The following RGS5 variants were observed in gnomAD, a reference collection of about 807,000 sequenced individuals.
RGS5 encodes regulator of G-protein signalling 5.
RGS5 carries 20 observed loss-of-function variants against 18.9 expected under a neutral mutation model. That is an observed-to-expected ratio of 1.06 (90% confidence interval 0.74 to 1.54). The LOEUF (loss-of-function observed/expected upper bound fraction) is 1.54. Ranked by LOEUF, RGS5 falls within the 40% of genes most tolerant of loss-of-function variation. RGS5 has a pLI of 0.00. For synonymous variants in RGS5, 57 were observed against 76.2 expected (o/e 0.75, Z 1.31); for missense variants, 201 against 211.8 (o/e 0.95, Z 0.32).
intron 1 of RGS5, among the ~76,000 whole-genome samples, chr1:163,312,367 A>G (rs1159893275): frequency 2.6e-5 from 4 of 152,204 alleles, no homozygotes; most frequent in Non-Finnish European, 5.9e-5. Flanking sequence ...GGACTAATAC[A>G]ATAATTATGT....
At chr1:163,315,162 A>G (rs1105212) in intron 1 of RGS5, among the ~76,000 whole-genome samples, 10,270 of 152,274 alleles carry the variant, frequency 0.067, 366 homozygotes, top group South Asian at 0.095. Context: ...AGACTACATT[A>G]AGATCAGTAT....
chr1:163,192,957 C>T (rs1557899261), intron 1 of RGS5, among the ~76,000 whole-genome samples: 1 of 152,166 alleles, frequency 6.6e-6, no homozygotes, highest in Non-Finnish European at 1.5e-5. Flanking sequence ...TTCTAAACTT[C>T]CTGAATCCCA....
Position 163,180,686 on chromosome 1 carries a change from G to GTTTTTTTTTTTTTTTTTTTTTTTT in RGS5, c.45-12342_45-12319dup, listed in dbSNP as rs1026995196. ...CCCTTTGTAATAAAGCCCTTACCCT[G>GTTTTTTTTTTTTTTTTTTTTTTTT]TTTTTTTTTTTTTTTTTTTTTTTTT... On this transcript the variant is annotated intron_variant, in intron 1 of 4. Transcript: ENST00000313961. 4.8e-4 allele frequency among the ~76,000 whole-genome samples: 30 copies of GTTTTTTTTTTTTTTTTTTTTTTTT among 61,982 alleles called. 5 individuals are homozygous for GTTTTTTTTTTTTTTTTTTTTTTTT. Among genetic ancestry groups the GTTTTTTTTTTTTTTTTTTTTTTTT allele is most frequent in the African/African-American group, 1.3e-3 (18 of 14,036 alleles). The allele number at this position is 61,982 out of a possible 152,430, so 40.7% of individuals were successfully genotyped here. A position where few individuals can be genotyped will look rare whatever the true frequency, so the allele number is the denominator to read the frequency against.
chr1:163,227,450 C>T (rs1186806346), intron 2 of RGS5, among the ~76,000 whole-genome samples: 5 of 152,082 alleles, frequency 3.3e-5, no homozygotes, highest in East Asian at 1.9e-4. Flanking sequence ...CTCATTATCA[C>T]GAGAACAGCA....
chr1:163,246,157 C>T (rs1647928435), intron 2 of RGS5, among the ~76,000 whole-genome samples: 1 of 151,264 alleles, frequency 6.6e-6, no homozygotes. Flanking sequence ...GGAGGCGGAG[C>T]TTGCAGTGAG....
At chr1:163,282,783 G>T (rs1649030780) in intron 2 of RGS5, among the ~76,000 whole-genome samples, 1 of 151,952 alleles carries the variant, frequency 6.6e-6, no homozygotes, top group Non-Finnish European at 1.5e-5. Context: ...AGATGACTGG[G>T]TACATATCCA....
At chr1:163,157,758 C>G (rs1657643744) in intron 3 of RGS5, among the ~76,000 whole-genome samples, 1 of 152,118 alleles carries the variant, frequency 6.6e-6, no homozygotes, top group Non-Finnish European at 1.5e-5. Context: ...AACAGGGTCT[C>G]TCTCTGTGGC....
intron 2 of RGS5, among the ~76,000 whole-genome samples, chr1:163,277,834 A>T: frequency 6.6e-6 from 1 of 152,176 alleles, no homozygotes; most frequent in South Asian, 2.1e-4. Flanking sequence ...TATCACTAAA[A>T]CACCAATCAG....
At chr1:163,306,523 G>A (rs1001274037) in intron 1 of RGS5, among the ~76,000 whole-genome samples, 4 of 152,170 alleles carry the variant, frequency 2.6e-5, no homozygotes, top group African/African-American at 9.7e-5. Flanking sequence ...TGCCCAGGAA[G>A]GCCTCTGGCT....
intron 2 of RGS5, among the ~76,000 whole-genome samples, chr1:163,242,055 A>C (rs2101691864): frequency 6.6e-6 from 1 of 152,328 alleles, no homozygotes; most frequent in Non-Finnish European, 1.5e-5. Context: ...TGAGACCTTG[A>C]ATTAAACCTC....
At chr1:163,242,210 CA>C (rs200559166) in intron 2 of RGS5, among the ~76,000 whole-genome samples, 2,105 of 152,238 alleles carry the variant, frequency 0.014, 56 homozygotes, top group African/African-American at 0.048. Context: ...ATGGATCAAA[CA>C]TGGCATATTT....
intron 1 of RGS5, among the ~76,000 whole-genome samples, chr1:163,215,920 T>A (rs1408098702): frequency 2.0e-5 from 3 of 151,600 alleles, no homozygotes; most frequent in South Asian, 4.2e-4. Flanking sequence ...ATAATAATAA[T>A]AAAAATAAAA....
intron 2 of RGS5, among the ~76,000 whole-genome samples, chr1:163,246,518 C>T (rs1162893258): frequency 6.6e-6 from 1 of 152,006 alleles, no homozygotes; most frequent in East Asian, 1.9e-4. Context: ...TTGCAGTGAG[C>T]CTAGATTGTG....
At chr1:163,315,276 G>T (rs769571908) in intron 1 of RGS5, among the ~76,000 whole-genome samples, 14 of 152,198 alleles carry the variant, frequency 9.2e-5, no homozygotes, top group Non-Finnish European at 2.1e-4. Context: ...TTGAAGTTAG[G>T]CCGGGTATGT....
At chr1:163,159,372 A>G (rs1340463141) in intron 3 of RGS5, among the ~76,000 whole-genome samples, 2 of 152,192 alleles carry the variant, frequency 1.3e-5, no homozygotes, top group Non-Finnish European at 2.9e-5. Context: ...TGCAGTAAAG[A>G]CAGGCGTAAG....
chr1:163,243,140 A>G (rs1243752193), intron 2 of RGS5, among the ~76,000 whole-genome samples: 1 of 152,188 alleles, frequency 6.6e-6, no homozygotes, highest in Non-Finnish European at 1.5e-5. Context: ...TGTCCTTTGC[A>G]GGGACATGGA....
chr1:163,177,760 T>A (rs535671389), intron 1 of RGS5, among the ~76,000 whole-genome samples: 5 of 152,350 alleles, frequency 3.3e-5, no homozygotes, highest in African/African-American at 1.2e-4. Context: ...CTTAAATACA[T>A]ATTAATGTAT....
At chr1:163,266,373 C>T (rs1648574026) in intron 2 of RGS5, among the ~76,000 whole-genome samples, 1 of 152,064 alleles carries the variant, frequency 6.6e-6, no homozygotes, top group Non-Finnish European at 1.5e-5. Context: ...GCAATTGTCA[C>T]CTAATTTGTC....
upstream of RGS5, among the ~76,000 whole-genome samples, chr1:163,222,450 T>A (rs1647247770): frequency 6.6e-6 from 1 of 152,130 alleles, no homozygotes; most frequent in African/African-American, 2.4e-5. Flanking sequence ...TGCCAAAAAG[T>A]TGGGGACCAT....
Sources: allele counts gnomAD v4.1 joint callset (sites outside exome capture counted in the v4.1 genomes callset), GRCh38; gene constraint gnomAD v4.1.1; transcripts MANE v1.5; gene names NCBI Gene and HGNC (gene_info 2026-07-23, HGNC 2026-07-21).